Variants in ADAMTSL1 observed in about 807,000 individuals in gnomAD.
The protein encoded by ADAMTSL1 is ADAMTS-like protein 1.
A neutral mutation model predicts 201.8 loss-of-function variants in ADAMTSL1; 126 were observed. That is an observed-to-expected ratio of 0.62 (90% CI 0.54 to 0.72). ADAMTSL1 has a LOEUF of 0.72. ADAMTSL1 is among the 30% of genes least tolerant of loss of function. ADAMTSL1 has a pLI of 0.00. For synonymous variants in ADAMTSL1, 1,121 were observed against 903.4 expected (o/e 1.24, Z -4.32); for missense variants, 2,679 against 2,277.8 (o/e 1.18, Z -3.59).
intron 2 of ADAMTSL1, among the ~76,000 whole-genome samples, chr9:18,351,097 A>G (rs1835945242): frequency 6.6e-6 from 1 of 152,166 alleles, no homozygotes; most frequent in African/African-American, 2.4e-5. Flanking sequence ...TTAAATAATA[A>G]TCTGCCTGCC....
At chr9:18,771,696 C>T (rs541927654) in intron 17 of ADAMTSL1, among the ~76,000 whole-genome samples, 1 of 148,888 alleles carries the variant, frequency 6.7e-6, no homozygotes, top group South Asian at 2.2e-4. Context: ...GCCTTCCTAA[C>T]CCCAGTGCCT....
chr9:18,387,004 A>C (rs991449039), intron 2 of ADAMTSL1, among the ~76,000 whole-genome samples: 2 of 152,110 alleles, frequency 1.3e-5, no homozygotes, highest in African/African-American at 2.4e-5. Context: ...CTTATAAATG[A>C]TGTGGTAGAA....
intron 5 of ADAMTSL1, among the ~76,000 whole-genome samples, chr9:18,625,268 C>G (rs1245951299): frequency 7.6e-6 from 1 of 131,722 alleles, no homozygotes; most frequent in Non-Finnish European, 1.6e-5. Flanking sequence ...GAACTTATAT[C>G]CAAGTTTTTT....
chr9:18,194,520 TTGA>T (rs1460996598), intron 2 of ADAMTSL1, among the ~76,000 whole-genome samples: 2 of 152,240 alleles, frequency 1.3e-5, no homozygotes, highest in East Asian at 3.9e-4. Flanking sequence ...CCATTCCAGC[TTGA>T]TGAAGTCATA....
At chr9:18,571,347 A>G (rs1378769665) in intron 3 of ADAMTSL1, among the ~76,000 whole-genome samples, 2 of 152,202 alleles carry the variant, frequency 1.3e-5, no homozygotes, top group East Asian at 3.8e-4. Context: ...AAAAGGAGGC[A>G]AAGGAAATTT....
intron 23 of ADAMTSL1, among the ~76,000 whole-genome samples, chr9:18,844,417 C>T (rs1256016929): frequency 6.6e-6 from 1 of 152,128 alleles, no homozygotes; most frequent in Non-Finnish European, 1.5e-5. Context: ...GAGGAGTACC[C>T]GGCCGTGTAA....
intron 5 of ADAMTSL1, among the ~76,000 whole-genome samples, chr9:18,635,368 A>G (rs1477820369): frequency 6.6e-6 from 1 of 152,194 alleles, no homozygotes; most frequent in African/African-American, 2.4e-5. Context: ...ATTTTAAAAT[A>G]GAGTATAGTG....
Position 18,776,922 on chromosome 9 carries a change from G to A in ADAMTSL1, c.2693G>A (p.Arg898His), listed in dbSNP as rs1821051447. ...YLLPKTAVVLRCPARRVRKPL... is the reference protein window; with the variant it reads ...YLLPKTAVVLHCPARRVRKPL... ...CTCCCCAAGACGGCGGTGGTGCTGC[G>A]CTGCCCGGCGCGCAGGGTCCGCAAG... The change falls in exon 19 of 29, where the codon CGC (arginine) becomes CAC (histidine). Residue 898 changes from arginine to histidine, a missense_variant. Physicochemically the swap from Arg to His is conservative, Grantham distance 29. Coordinates refer to ENST00000380548, the MANE Select transcript of ADAMTSL1 (RefSeq NM_001040272.6). 1.2e-6 allele frequency: 2 copies of A among 1,605,110 alleles called. No individual in the cohort carries two copies. Among genetic ancestry groups the A allele is most frequent in the Non-Finnish European group, 1.7e-6 (2 of 1,176,334 alleles).
At chr9:18,049,656 C>G (rs1432568787) in intron 1 of ADAMTSL1, among the ~76,000 whole-genome samples, 1 of 149,470 alleles carries the variant, frequency 6.7e-6, no homozygotes, top group Non-Finnish European at 1.5e-5. Context: ...TGGAGTCTTG[C>G]TCAGTCACCC....
intron 2 of ADAMTSL1, among the ~76,000 whole-genome samples, chr9:18,346,909 C>A (rs899741395): frequency 6.6e-6 from 1 of 152,160 alleles, no homozygotes; most frequent in Non-Finnish European, 1.5e-5. Context: ...AAGGCCCCAG[C>A]ACATTCTCCT....
At chr9:18,870,016 T>C (rs2131457383) in intron 23 of ADAMTSL1, among the ~76,000 whole-genome samples, 1 of 152,306 alleles carries the variant, frequency 6.6e-6, no homozygotes, top group African/African-American at 2.4e-5. Context: ...CCAGCTCTAA[T>C]CTTCTGTTAA....
chr9:18,145,197 A>G (rs1826584361), intron 1 of ADAMTSL1, among the ~76,000 whole-genome samples: 1 of 152,326 alleles, frequency 6.6e-6, no homozygotes, highest in Non-Finnish European at 1.5e-5. Flanking sequence ...AGCTCAAAGA[A>G]AGAGACCATA....
At chr9:18,681,630 A>T in intron 11 of ADAMTSL1, 182 bp from the exon 12 acceptor site, 1 of 418,820 alleles carries the variant, frequency 2.4e-6, no homozygotes, top group South Asian at 5.0e-5. Context: ...TTCACCTCAA[A>T]TAGCCAAATA....
intron 2 of ADAMTSL1, among the ~76,000 whole-genome samples, chr9:18,381,998 C>T (rs753404450): frequency 2.0e-5 from 3 of 152,112 alleles, no homozygotes; most frequent in African/African-American, 4.8e-5. Flanking sequence ...TTTTCCTGTA[C>T]TACATCTTGG....
intron 2 of ADAMTSL1, among the ~76,000 whole-genome samples, chr9:18,395,539 C>T (rs916753127): frequency 6.6e-6 from 1 of 152,114 alleles, no homozygotes; most frequent in African/African-American, 2.4e-5. Flanking sequence ...TGGAAACAGA[C>T]CCATTTTCTG....
intron 23 of ADAMTSL1, among the ~76,000 whole-genome samples, chr9:18,873,887 A>G (rs900650131): frequency 3.9e-5 from 6 of 152,272 alleles, no homozygotes; most frequent in Admixed American, 2.6e-4. Context: ...GACTTTTGGC[A>G]GTATGGTCAT....
chr9:18,577,356 G>A (rs1822800332), intron 4 of ADAMTSL1, among the ~76,000 whole-genome samples: 1 of 152,252 alleles, frequency 6.6e-6, no homozygotes. Flanking sequence ...CGTGATGGCA[G>A]GTGCTCGTAT....
At chr9:18,732,788 T>A (rs964444216) in intron 15 of ADAMTSL1, among the ~76,000 whole-genome samples, 6 of 152,112 alleles carry the variant, frequency 3.9e-5, no homozygotes, top group Admixed American at 1.3e-4. Context: ...CAGGGCATCT[T>A]GTCCCCATAT....
intron 1 of ADAMTSL1, among the ~76,000 whole-genome samples, chr9:18,019,143 C>T (rs1054062319): frequency 6.6e-5 from 10 of 151,994 alleles, no homozygotes; most frequent in African/African-American, 2.2e-4. Context: ...ACACTCTGAT[C>T]TGTGGTTATG....
Sources: allele counts gnomAD v4.1 joint callset (sites outside exome capture counted in the v4.1 genomes callset), GRCh38; gene constraint gnomAD v4.1.1; transcripts MANE v1.5; gene names NCBI Gene and HGNC (gene_info 2026-07-23, HGNC 2026-07-21).